Variants in DAPP1 observed in about 807,000 individuals in gnomAD.
DAPP1 encodes dual adaptor of phosphotyrosine and 3-phosphoinositides 1, also known as dual adapter for phosphotyrosine and 3-phosphotyrosine and 3-phosphoinositide.
Under a neutral mutation model 41.5 loss-of-function variants are expected in DAPP1, and 20 were observed. The ratio of observed to expected loss-of-function variants is 0.48; its 90% confidence interval spans 0.34 to 0.70. The LOEUF (loss-of-function observed/expected upper bound fraction) is 0.70, where lower values mean the gene tolerates loss of function less well. Among genes scored for constraint, DAPP1 ranks in the 30% least tolerant of loss-of-function variants. DAPP1 has a pLI of 0.01. For synonymous variants in DAPP1, 113 were observed against 116.2 expected (o/e 0.97, Z 0.18); for missense variants, 233 against 333.4 (o/e 0.70, Z 2.35).
At position 99,862,999 on chromosome 4, in the gene DAPP1, G is replaced by T. The variant is rs202148579; in HGVS notation, c.538-11G>T. ...TGTCTGTGTGTTTGTGTGTGTGTGT[G>T]TTTTTCTCAGACCTGGAAAACAAGA... On this transcript the variant is annotated splice_polypyrimidine_tract_variant and intron_variant, in intron 5 of 8. Coordinates refer to ENST00000512369, the MANE Select transcript of DAPP1 (RefSeq NM_014395.3). 4 of 1,577,756 alleles carry T rather than the reference G, an allele frequency of 2.5e-6. No homozygotes were observed. The highest frequency in any genetic ancestry group is 1.9e-5 in the Admixed American group (1 of 52,716).
At chr4:99,844,369 T>C (rs1723596771) in intron 3 of DAPP1, 1 of 152,212 alleles carries the variant, frequency 6.6e-6, no homozygotes. Flanking sequence ...CATATTCATG[T>C]CTGTGCATGA....
At chr4:99,853,494 T>G (rs977857239) in intron 4 of DAPP1, 146 bp downstream of exon 4, 1 of 1,154,248 alleles carries the variant, frequency 8.7e-7, no homozygotes. Context: ...TTGAAGCCTA[T>G]GACTCAGTTC....
intron 1 of DAPP1, among the ~76,000 whole-genome samples, chr4:99,820,096 C>T (rs1308373945): frequency 2.6e-5 from 4 of 152,052 alleles, no homozygotes; most frequent in South Asian, 2.1e-4. Context: ...TGCTCAGCTT[C>T]GCTTACACTT....
intron 1 of DAPP1, among the ~76,000 whole-genome samples, chr4:99,820,716 T>A (rs929937402): frequency 3.3e-5 from 5 of 152,236 alleles, no homozygotes; most frequent in African/African-American, 1.2e-4. Flanking sequence ...TTTTAGGCTT[T>A]GCAGGCCTTA....
At position 99,863,172 on chromosome 4, in the gene DAPP1, G is replaced by GA. The variant is rs1337851892; in HGVS notation, c.600+103dup. 6.0e-6 allele frequency: 4 copies of GA among 662,644 alleles called. No individual in the cohort carries two copies. The African/African-American group carries it at 7.7e-5, about 13-fold the overall frequency. The allele number at this position is 662,644 out of a possible 1,614,324, so 41.0% of individuals were successfully genotyped here. A position where few individuals can be genotyped will look rare whatever the true frequency, so the allele number is the denominator to read the frequency against. Reference sequence around the variant, plus strand: ...TCTGAAATTATTTTTATATCCACCTGAAATACCTAATAAATGATTGGAGAT... The same window carrying GA: ...TCTGAAATTATTTTTATATCCACCTGAAAATACCTAATAAATGATTGGAGAT... On this transcript the variant is annotated intron_variant, in intron 6 of 8. Coordinates refer to ENST00000512369, the MANE Select transcript of DAPP1 (RefSeq NM_014395.3).
intron 3 of DAPP1, among the ~76,000 whole-genome samples, chr4:99,851,952 A>G (rs998279192): frequency 6.6e-6 from 1 of 151,868 alleles, no homozygotes; most frequent in Non-Finnish European, 1.5e-5. Flanking sequence ...TTCAGGTTCT[A>G]TACTCTCCAG....
intron 2 of DAPP1, among the ~76,000 whole-genome samples, chr4:99,838,216 A>G (rs1723367686): frequency 6.6e-6 from 1 of 152,188 alleles, no homozygotes; most frequent in Non-Finnish European, 1.5e-5. Flanking sequence ...TAAATCAATG[A>G]CATACATATT....
At chr4:99,850,377 T>C (rs915905216) in intron 3 of DAPP1, among the ~76,000 whole-genome samples, 1 of 151,654 alleles carries the variant, frequency 6.6e-6, no homozygotes, top group African/African-American at 2.4e-5. Flanking sequence ...GACATTGCAC[T>C]CCAGCCTGGG....
chr4:99,853,088 T>C, intron 3 of DAPP1, 130 bp from the exon 4 acceptor site: 1 of 1,014,208 alleles, frequency 9.9e-7, no homozygotes, highest in Non-Finnish European at 1.4e-6. Context: ...TTGATAACTG[T>C]TGAGATAATG....
At chr4:99,836,708 T>C (rs1723312655) in intron 2 of DAPP1, among the ~76,000 whole-genome samples, 1 of 152,198 alleles carries the variant, frequency 6.6e-6, no homozygotes, top group South Asian at 2.1e-4. Flanking sequence ...ATTCACATTG[T>C]CTCTTTGGGC....
chr4:99,856,455 G>A (rs1560705372), intron 4 of DAPP1, among the ~76,000 whole-genome samples: 1 of 152,162 alleles, frequency 6.6e-6, no homozygotes. Flanking sequence ...GGCTAGGAAG[G>A]TCAGAATTAC....
intron 3 of DAPP1, among the ~76,000 whole-genome samples, chr4:99,851,666 G>A (rs1003822770): frequency 4.1e-5 from 6 of 146,894 alleles, no homozygotes; most frequent in African/African-American, 1.5e-4. Context: ...TCAGCCTCCC[G>A]AGTAGCTGAG....
At chr4:99,819,276 A>C (rs926275870) in intron 1 of DAPP1, among the ~76,000 whole-genome samples, 3 of 152,314 alleles carry the variant, frequency 2.0e-5, no homozygotes, top group African/African-American at 7.2e-5. Flanking sequence ...AGCATACTCA[A>C]CAGTGTGCTG....
Position 99,817,066 on chromosome 4 carries a change from G to T in DAPP1, c.101+52G>T, listed in dbSNP as rs72911129. On this transcript the variant is annotated intron_variant, in intron 1 of 8. Coordinates refer to ENST00000512369, the MANE Select transcript of DAPP1 (RefSeq NM_014395.3). ...TACCTAGTGGGTGGACATTGACTCC[G>T]CACTCCCACCTGCATGCTTTGATTA... 2,774 of 1,352,448 alleles carry T rather than the reference G, an allele frequency of 2.1e-3. 46 individuals are homozygous for T. In the African/African-American group the frequency reaches 0.033, roughly 16 times the overall value. The allele number at this position is 1,352,448 out of a possible 1,614,324, so 83.8% of individuals were successfully genotyped here.
At chr4:99,846,429 G>T (rs2110152265) in intron 3 of DAPP1, among the ~76,000 whole-genome samples, 1 of 152,204 alleles carries the variant, frequency 6.6e-6, no homozygotes, top group South Asian at 2.1e-4. Flanking sequence ...CTGATTAGAT[G>T]GTAGTAGCTC....
intron 3 of DAPP1, among the ~76,000 whole-genome samples, chr4:99,846,926 T>G (rs1216339068): frequency 6.6e-6 from 1 of 152,192 alleles, no homozygotes; most frequent in Non-Finnish European, 1.5e-5. Flanking sequence ...AAAAAGATCT[T>G]GAATAACCCT....
At chr4:99,848,568 C>T (rs1723751569) in intron 3 of DAPP1, among the ~76,000 whole-genome samples, 1 of 152,070 alleles carries the variant, frequency 6.6e-6, no homozygotes, top group South Asian at 2.1e-4. Flanking sequence ...ACAATATACC[C>T]TCCCAGAATT....
chr4:99,850,626 C>T (rs1723821915), intron 3 of DAPP1, among the ~76,000 whole-genome samples: 1 of 152,100 alleles, frequency 6.6e-6, no homozygotes, highest in South Asian at 2.1e-4. Context: ...GGCTTCAGTT[C>T]CCCTCTCCTC....
At position 99,816,912 on chromosome 4, in the gene DAPP1, G is replaced by T. The variant is rs1293778685; in HGVS notation, c.-2G>T. The T allele has an allele frequency of 1.9e-6, 3 of 1,604,374 alleles. No homozygotes were observed. The highest frequency in any genetic ancestry group is 1.3e-5 in the African/African-American group (1 of 74,712). On this transcript the variant is annotated 5_prime_UTR_variant, in exon 1 of 9. Coordinates refer to ENST00000512369, the MANE Select transcript of DAPP1 (RefSeq NM_014395.3). Reference sequence around the variant, plus strand: ...CTCTCTCTACCTCTGTGAAGGGCGCGAATGGGCAGAGCAGAACTTCTAGAA... The same window carrying T: ...CTCTCTCTACCTCTGTGAAGGGCGCTAATGGGCAGAGCAGAACTTCTAGAA...
Sources: allele counts gnomAD v4.1 joint callset (sites outside exome capture counted in the v4.1 genomes callset), GRCh38; gene constraint gnomAD v4.1.1; transcripts MANE v1.5; gene names NCBI Gene and HGNC (gene_info 2026-07-23, HGNC 2026-07-21).